PLCL1: variants seen among roughly 807,000 people sequenced by gnomAD.
The protein encoded by PLCL1 is phospholipase C like 1 (inactive).
A neutral mutation model predicts 84.4 loss-of-function variants in PLCL1; 41 were observed. The observed-to-expected ratio is 0.49, with a 90% CI of 0.38 to 0.63. The LOEUF is 0.63. PLCL1 is among the 30% of genes least tolerant of loss of function. PLCL1 has a pLI of 0.00. For synonymous variants in PLCL1, 490 were observed against 488.3 expected (o/e 1.00, Z -0.05); for missense variants, 1,206 against 1,367.8 (o/e 0.88, Z 1.87).
At chr2:197,915,727 A>G (rs1688585486) in intron 1 of PLCL1, among the ~76,000 whole-genome samples, 1 of 152,162 alleles carries the variant, frequency 6.6e-6, no homozygotes, top group African/African-American at 2.4e-5. Context: ...TGAGGCACCG[A>G]TACCCTATTT....
chr2:197,941,469 T>C (rs1689156722), intron 1 of PLCL1, among the ~76,000 whole-genome samples: 1 of 152,176 alleles, frequency 6.6e-6, no homozygotes, highest in Non-Finnish European at 1.5e-5. Flanking sequence ...TTTTTCATTT[T>C]TTTATAGAGA....
intron 1 of PLCL1, among the ~76,000 whole-genome samples, chr2:198,041,547 A>G (rs1285139976): frequency 6.6e-6 from 1 of 152,196 alleles, no homozygotes; most frequent in African/African-American, 2.4e-5. Flanking sequence ...AATCTGAGGC[A>G]TGGTTCAAGT....
At chr2:197,963,473 C>T (rs760934312) in intron 1 of PLCL1, among the ~76,000 whole-genome samples, 5 of 151,886 alleles carry the variant, frequency 3.3e-5, no homozygotes, top group Non-Finnish European at 7.4e-5. Flanking sequence ...CTCTTACATA[C>T]TCTGGTTATT....
rs368446370 is a variant in PLCL1, at chr2:198,016,290, C to T, written c.241-67468C>T. Among the ~76,000 whole-genome samples, 7 of 152,254 alleles carry T rather than the reference C, an allele frequency of 4.6e-5. No individual in the cohort carries two copies. The East Asian group carries it at 9.7e-4, about 21-fold the overall frequency. The stretch of plus-strand genomic sequence containing the variant: ...GTAAAAGATCTACATGCTCATGTTA[C>T]TTGTCGTGCTCACAGAAAACAAACC... On this transcript the variant is annotated intron_variant, in intron 1 of 5. Transcript: ENST00000428675.
chr2:197,809,811 T>C (rs943251688), intron 1 of PLCL1, among the ~76,000 whole-genome samples: 1 of 8,824 alleles, frequency 1.1e-4, no homozygotes, highest in African/African-American at 2.9e-4. Flanking sequence ...GCTCTGAAAG[T>C]GTGTGTGTGT....
At chr2:197,888,404 T>C (rs759521774) in intron 1 of PLCL1, among the ~76,000 whole-genome samples, 2 of 152,152 alleles carry the variant, frequency 1.3e-5, no homozygotes, top group Non-Finnish European at 2.9e-5. Context: ...TGGGCTTCAT[T>C]AGAAACATTA....
In PLCL1 at chr2:197,993,211, T is replaced by G. The variant is rs550190339; in HGVS notation, c.241-90547T>G. On this transcript the variant is annotated intron_variant, in intron 1 of 5. Coordinates refer to ENST00000428675, the MANE Select transcript of PLCL1 (RefSeq NM_006226.4). The stretch of plus-strand genomic sequence containing the variant: ...TTTATAATAGCAATCCTAATGGGTG[T>G]GAAGTTGTATCTCATTGCGGTTTTG... Among the ~76,000 whole-genome samples, 7 of 152,314 alleles carry G rather than the reference T, an allele frequency of 4.6e-5. No individual in the cohort carries two copies. The South Asian group carries it at 1.4e-3, about 32-fold the overall frequency.
At chr2:197,809,191 T>C (rs891163363) in intron 1 of PLCL1, among the ~76,000 whole-genome samples, 7 of 152,216 alleles carry the variant, frequency 4.6e-5, no homozygotes, top group African/African-American at 1.7e-4. Flanking sequence ...GTGAGTCATA[T>C]ACTAAACTAG....
chr2:198,107,439 C>T (rs13429722), intron 5 of PLCL1, among the ~76,000 whole-genome samples: 7,136 of 151,876 alleles, frequency 0.047, 571 homozygotes, highest in African/African-American at 0.16. Context: ...TGAGACTAGC[C>T]AAGTTATATA....
intron 1 of PLCL1, among the ~76,000 whole-genome samples, chr2:197,833,428 C>G (rs1293745605): frequency 6.6e-6 from 1 of 152,010 alleles, no homozygotes; most frequent in African/African-American, 2.4e-5. Flanking sequence ...TTTAGAAAAC[C>G]CCATCTTCTC....
At chr2:197,817,189 A>C (rs2106416958) in intron 1 of PLCL1, among the ~76,000 whole-genome samples, 1 of 152,106 alleles carries the variant, frequency 6.6e-6, no homozygotes, top group East Asian at 1.9e-4. Flanking sequence ...GCACTTATGC[A>C]ATAAAGTATT....
intron 1 of PLCL1, among the ~76,000 whole-genome samples, chr2:197,950,573 A>C (rs888704610): frequency 5.3e-5 from 8 of 152,190 alleles, no homozygotes; most frequent in African/African-American, 1.9e-4. Context: ...AAGATTCACT[A>C]GTAGCCGTAT....
chr2:198,102,808 G>A (rs982255891), intron 4 of PLCL1, among the ~76,000 whole-genome samples: 5 of 152,098 alleles, frequency 3.3e-5, no homozygotes, highest in Admixed American at 3.3e-4. Flanking sequence ...CCAAGGAGTA[G>A]AAGTTCCAAG....
chr2:197,997,712 C>A (rs1426137384), intron 1 of PLCL1, among the ~76,000 whole-genome samples: 3 of 152,130 alleles, frequency 2.0e-5, no homozygotes, highest in Admixed American at 6.6e-5. Flanking sequence ...AGAAGCATGC[C>A]AATCATGACC....
At chr2:197,954,443 T>C (rs1421760097) in intron 1 of PLCL1, among the ~76,000 whole-genome samples, 7 of 152,074 alleles carry the variant, frequency 4.6e-5, no homozygotes. Flanking sequence ...TTCTCAGATG[T>C]CTTGCCTCCT....
At chr2:198,089,708 A>C (rs1692971843) in intron 3 of PLCL1, among the ~76,000 whole-genome samples, 1 of 152,204 alleles carries the variant, frequency 6.6e-6, no homozygotes, top group Admixed American at 6.5e-5. Context: ...CTATATGCTA[A>C]ATGTTGTCTC....
chr2:198,014,044 A>G (rs775423586), intron 1 of PLCL1, among the ~76,000 whole-genome samples: 1 of 152,064 alleles, frequency 6.6e-6, no homozygotes, highest in African/African-American at 2.4e-5. Flanking sequence ...GAACTAGGTA[A>G]AAGAATGTGA....
chr2:197,821,306 A>G (rs1028184569), intron 1 of PLCL1, among the ~76,000 whole-genome samples: 3 of 152,174 alleles, frequency 2.0e-5, no homozygotes, highest in Non-Finnish European at 4.4e-5. Flanking sequence ...ATATTTATAC[A>G]TGAACTTCTG....
intron 1 of PLCL1, among the ~76,000 whole-genome samples, chr2:198,058,015 C>T (rs1692108100): frequency 6.6e-6 from 1 of 152,132 alleles, no homozygotes; most frequent in South Asian, 2.1e-4. Flanking sequence ...CAAATAAATA[C>T]TATGTGACTT....
Sources: allele counts gnomAD v4.1 joint callset (sites outside exome capture counted in the v4.1 genomes callset), GRCh38; gene constraint gnomAD v4.1.1; transcripts MANE v1.5; gene names NCBI Gene and HGNC (gene_info 2026-07-23, HGNC 2026-07-21).